The following ACTR2 variants were observed in gnomAD, a reference collection of about 807,000 sequenced individuals.
The protein encoded by ACTR2 is actin-related protein 2.
A neutral mutation model predicts 50.2 loss-of-function variants in ACTR2; 5 were observed. That is an observed-to-expected ratio of 0.10 (90% CI 0.05 to 0.21). ACTR2 has a LOEUF of 0.21. Ranked by LOEUF, ACTR2 falls within the 10% of genes least tolerant of loss-of-function variation. The pLI is 1.00. For synonymous variants in ACTR2, 140 were observed against 162.9 expected, an observed-to-expected ratio of 0.86 and a Z score of 1.07; for missense variants, 180 against 480.6, an observed-to-expected ratio of 0.37 and a Z score of 5.85.
intron 6 of ACTR2, among the ~76,000 whole-genome samples, chr2:65,258,056 C>G (rs537616721): frequency 6.6e-6 from 1 of 152,172 alleles, no homozygotes; most frequent in East Asian, 1.9e-4. Context: ...AGGTTTTCTT[C>G]TAGGAGTAAA....
At chr2:65,259,285 A>G (rs1332152445) in intron 6 of ACTR2, among the ~76,000 whole-genome samples, 2 of 152,094 alleles carry the variant, frequency 1.3e-5, no homozygotes, top group Non-Finnish European at 2.9e-5. Flanking sequence ...AGCCAGCCAT[A>G]GTAGTGTGCA....
Position 65,253,959 on chromosome 2 carries a change from T to A in ACTR2, c.585+95T>A. On this transcript the variant is annotated intron_variant, in intron 5 of 8. Coordinates refer to ENST00000260641, the MANE Select transcript of ACTR2 (RefSeq NM_005722.4). ...TCTATCGTTTTAGGATTCCAGCAAATCTGTACCACTAGAGAAATTATCCAA... is the reference window on the plus strand; with the variant it reads ...TCTATCGTTTTAGGATTCCAGCAAAACTGTACCACTAGAGAAATTATCCAA... 2.0e-6 allele frequency: 2 copies of A among 1,021,628 alleles called. 1 individual carries two copies. The highest frequency in any genetic ancestry group is 2.8e-6 in the Non-Finnish European group (2 of 701,832). The allele number at this position is 1,021,628 out of a possible 1,614,324, so 63.3% of individuals were successfully genotyped here.
intron 2 of ACTR2, among the ~76,000 whole-genome samples, chr2:65,241,518 A>G (rs920295548): frequency 6.6e-6 from 1 of 152,148 alleles, no homozygotes; most frequent in African/African-American, 2.4e-5. Flanking sequence ...TATTGGCTCA[A>G]TTCTGTTCAC....
At chr2:65,252,650 A>C (rs1208566084) in intron 4 of ACTR2, among the ~76,000 whole-genome samples, 1 of 151,830 alleles carries the variant, frequency 6.6e-6, no homozygotes, top group African/African-American at 2.4e-5. Context: ...GTCTCAAAAA[A>C]AATATGTAAA....
At chr2:65,247,053 G>T (rs1671950718) in intron 3 of ACTR2, among the ~76,000 whole-genome samples, 1 of 151,972 alleles carries the variant, frequency 6.6e-6, no homozygotes, top group African/African-American at 2.4e-5. Flanking sequence ...AGACTGAAAA[G>T]GCTAATACAA....
chr2:65,231,310 TG>T (rs1671634278), intron 1 of ACTR2, among the ~76,000 whole-genome samples: 1 of 152,238 alleles, frequency 6.6e-6, no homozygotes, highest in Admixed American at 6.5e-5. Flanking sequence ...ACAGGAATGC[TG>T]TAATAGTTCT....
At chr2:65,263,652 G>C (rs142147570) in intron 7 of ACTR2, among the ~76,000 whole-genome samples, 4 of 152,182 alleles carry the variant, frequency 2.6e-5, no homozygotes, top group African/African-American at 9.7e-5. Flanking sequence ...ATCAGAAATC[G>C]AATCTAGCCT....
At chr2:65,267,295 G>C (rs1264225804) in intron 8 of ACTR2, among the ~76,000 whole-genome samples, 2 of 152,094 alleles carry the variant, frequency 1.3e-5, no homozygotes, top group East Asian at 1.9e-4. Flanking sequence ...TACTTGTCAC[G>C]CCTACAAAGC....
intron 6 of ACTR2, among the ~76,000 whole-genome samples, chr2:65,260,708 A>G (rs963273044): frequency 6.7e-6 from 1 of 149,312 alleles, no homozygotes; most frequent in Non-Finnish European, 1.5e-5. Flanking sequence ...GAAATTCCTG[A>G]TATTTGGGGG....
chr2:65,265,000 C>T (rs766711498), intron 7 of ACTR2, 43 bp from the exon 8 acceptor site: 1 of 1,609,500 alleles, frequency 6.2e-7, no homozygotes, highest in East Asian at 2.2e-5. Flanking sequence ...ATACCATTTT[C>T]CTAACCTAAA....
chr2:65,264,641 A>G (rs543620429), intron 7 of ACTR2, among the ~76,000 whole-genome samples: 1 of 152,320 alleles, frequency 6.6e-6, no homozygotes, highest in African/African-American at 2.4e-5. Flanking sequence ...GAAAACTACA[A>G]AAGATAAATG....
intron 1 of ACTR2, chr2:65,228,567 A>G (rs1671577354): frequency 6.6e-6 from 1 of 151,828 alleles, no homozygotes; most frequent in South Asian, 2.1e-4. Flanking sequence ...TGTTTTACAT[A>G]CTAGTATTTG....
At chr2:65,261,936 GAT>G (rs1672277394) in intron 7 of ACTR2, among the ~76,000 whole-genome samples, 2 of 152,166 alleles carry the variant, frequency 1.3e-5, no homozygotes, top group South Asian at 4.1e-4. Flanking sequence ...CATTCCAACA[GAT>G]GTGAAGTGAT....
At position 65,268,924 on chromosome 2, in the gene ACTR2, A is replaced by G. The variant is rs17038564; in HGVS notation, c.*190A>G. On this transcript the variant is annotated 3_prime_UTR_variant, in exon 9 of 9. Coordinates refer to ENST00000260641, the MANE Select transcript of ACTR2 (RefSeq NM_005722.4). ...GTTAATGTGGGTAAATCTGAGTTTA[A>G]TTCAACTGCTTCCCTACATAGACTA... 31,020 of 571,868 alleles carry G rather than the reference A, an allele frequency of 0.054. 1,500 individuals are homozygous for G. The highest frequency in any genetic ancestry group is 0.2 in the East Asian group (6,310 of 32,166). 35.4% of individuals were successfully genotyped at this position (571,868 alleles called of 1,614,324 possible).
chr2:65,264,960 G>A (rs1041097448), intron 7 of ACTR2, 83 bp from the exon 8 acceptor site: 14 of 1,501,466 alleles, frequency 9.3e-6, no homozygotes, highest in South Asian at 9.3e-5. Flanking sequence ...CAGCAACCCC[G>A]AGGCTGACAT....
Position 65,268,810 on chromosome 2 carries a change from TCCAGGACATGGAAGAGGC to T in ACTR2, c.*78_*95del, listed in dbSNP as rs1213909526. On this transcript the variant is annotated 3_prime_UTR_variant, in exon 9 of 9. Transcript: ENST00000260641. ...TTGCCAATCTTTGAACTCATTCAAC[TCCAGGACATGGAAGAGGC>T]CTCTCTCTGCCCTTTGACTGGAAAG... 2.0e-6 allele frequency: 3 copies of T among 1,479,936 alleles called. No homozygotes were observed. In the African/African-American group the frequency reaches 4.2e-5, roughly 21 times the overall value. 91.7% of individuals were successfully genotyped at this position (1,479,936 alleles called of 1,614,324 possible).
chr2:65,228,448 G>C (rs1002282460), intron 1 of ACTR2: 1 of 149,734 alleles, frequency 6.7e-6, no homozygotes, highest in African/African-American at 2.5e-5. Context: ...AAAAAAAAGG[G>C]AAGTGCTGTC....
rs1315728684 is a variant in ACTR2, at chr2:65,270,775, A to C, written c.*2041A>C. 2 of 152,124 alleles carry C rather than the reference A, an allele frequency of 1.3e-5. No individual in the cohort carries two copies. Among genetic ancestry groups the C allele is most frequent in the South Asian group, 4.1e-4 (2 of 4,826 alleles). 9.4% of individuals were successfully genotyped at this position (152,124 alleles called of 1,614,324 possible). On this transcript the variant is annotated 3_prime_UTR_variant, in exon 9 of 9. Transcript: ENST00000260641. ...TGACAGTTAAAATGGTGCATTATGT[A>C]TATATATTATAATTTAGAAATACCA...
chr2:65,234,689 A>G (rs1480858980), intron 1 of ACTR2, among the ~76,000 whole-genome samples: 1 of 152,200 alleles, frequency 6.6e-6, no homozygotes, highest in Admixed American at 6.6e-5. Context: ...TCTTCCCTGC[A>G]CTAGGATCAG....
Sources: allele counts gnomAD v4.1 joint callset (sites outside exome capture counted in the v4.1 genomes callset), GRCh38; gene constraint gnomAD v4.1.1; transcripts MANE v1.5; gene names NCBI Gene and HGNC (gene_info 2026-07-23, HGNC 2026-07-21).